DGKI: variants seen among roughly 807,000 people sequenced by gnomAD.
The protein encoded by DGKI is diacylglycerol kinase iota.
In DGKI, 55 loss-of-function variants were observed where a neutral mutation model predicts 147.5. The ratio of observed to expected loss-of-function variants is 0.37; its 90% CI spans 0.30 to 0.47. The LOEUF is 0.47. Ranked by LOEUF, DGKI falls within the 20% of genes least tolerant of loss-of-function variation. The pLI is 1.00. For synonymous variants in DGKI, 469 were observed against 477.1 expected (o/e 0.98, Z 0.22); for missense variants, 1,007 against 1,323.8 (o/e 0.76, Z 3.71).
chr7:137,498,684 C>T (rs913639355), intron 21 of DGKI, among the ~76,000 whole-genome samples: 2 of 152,098 alleles, frequency 1.3e-5, no homozygotes, highest in Admixed American at 1.3e-4. Flanking sequence ...CAAACAAGTG[C>T]AAGAGTTGAA....
Position 137,429,269 on chromosome 7 carries a change from C to A in DGKI, c.2761+14808G>T, listed in dbSNP as rs1026368181. ...CACCACATATCTACAACTATCTGAT[C>A]TTTGACAAACCTGAGAAAAACAAGC... On this transcript the variant is annotated intron_variant, in intron 28 of 32. Transcript: ENST00000614521. Among the ~76,000 whole-genome samples the A allele has an allele frequency of 3.9e-3, 589 of 151,316 alleles. 4 individuals are homozygous for A. The highest frequency in any genetic ancestry group is 0.012 in the African/African-American group (506 of 41,484).
chr7:137,471,612 GC>G (rs2128928885), intron 23 of DGKI, among the ~76,000 whole-genome samples: 1 of 152,236 alleles, frequency 6.6e-6, no homozygotes, highest in East Asian at 1.9e-4. Flanking sequence ...GTTTTAACAA[GC>G]CTTTCAGATA....
At chr7:137,584,008 C>A (rs1018580357) in intron 14 of DGKI, among the ~76,000 whole-genome samples, 5 of 152,078 alleles carry the variant, frequency 3.3e-5, no homozygotes, top group Admixed American at 3.3e-4. Flanking sequence ...ACTTGAAAAT[C>A]TATTAAATTA....
At chr7:137,410,761 C>A (rs1007060365) in intron 29 of DGKI, among the ~76,000 whole-genome samples, 1 of 152,178 alleles carries the variant, frequency 6.6e-6, no homozygotes, top group East Asian at 1.9e-4. Context: ...GGGCAGGAAT[C>A]AATTTTATTC....
At chr7:137,626,322 GAC>G (rs111591226) in intron 6 of DGKI, among the ~76,000 whole-genome samples, 33,819 of 138,726 alleles carry the variant, frequency 0.24, 4,370 homozygotes, top group Non-Finnish European at 0.33. Flanking sequence ...AAGTGCTTCT[GAC>G]ACACACACAC....
chr7:137,450,583 G>A (rs568564986), intron 27 of DGKI, among the ~76,000 whole-genome samples: 38 of 151,948 alleles, frequency 2.5e-4, no homozygotes, highest in African/African-American at 4.6e-4. Context: ...TTAGCCAAGC[G>A]TGGTGGCACG....
At chr7:137,801,601 T>C (rs1797209709) in intron 1 of DGKI, among the ~76,000 whole-genome samples, 1 of 152,212 alleles carries the variant, frequency 6.6e-6, no homozygotes, top group Non-Finnish European at 1.5e-5. Context: ...TAAGTGGCAT[T>C]ATCACTCTCT....
chr7:137,536,523 CA>C (rs1184876462), intron 20 of DGKI, among the ~76,000 whole-genome samples: 5 of 152,160 alleles, frequency 3.3e-5, no homozygotes, highest in Non-Finnish European at 5.9e-5. Flanking sequence ...AAGTCTCATC[CA>C]CCTCATGTTA....
intron 5 of DGKI, among the ~76,000 whole-genome samples, chr7:137,647,529 T>C (rs76382458): frequency 0.012 from 1,895 of 152,306 alleles, 34 homozygotes; most frequent in African/African-American, 0.044. Flanking sequence ...GGTGGTTGTA[T>C]GTACAATCGT....
At chr7:137,623,270 T>C (rs1413760366) in intron 7 of DGKI, among the ~76,000 whole-genome samples, 2 of 152,202 alleles carry the variant, frequency 1.3e-5, no homozygotes, top group Non-Finnish European at 2.9e-5. Context: ...ACATAAAATA[T>C]AGAAGTTAAT....
intron 28 of DGKI, among the ~76,000 whole-genome samples, chr7:137,423,465 G>A (rs1198168426): frequency 1.3e-5 from 2 of 152,208 alleles, no homozygotes; most frequent in African/African-American, 2.4e-5. Flanking sequence ...GATGTGGCCT[G>A]AGAGTAATGG....
intron 1 of DGKI, among the ~76,000 whole-genome samples, chr7:137,781,825 A>G (rs1344309220): frequency 6.6e-6 from 1 of 152,224 alleles, no homozygotes; most frequent in Non-Finnish European, 1.5e-5. Context: ...AAATGGAGGG[A>G]GAAGGCAAAG....
chr7:137,706,099 C>G (rs1174707968), intron 1 of DGKI, among the ~76,000 whole-genome samples: 2 of 151,502 alleles, frequency 1.3e-5, no homozygotes, highest in Non-Finnish European at 2.9e-5. Flanking sequence ...AAATATTTAT[C>G]TTTTTTAAAG....
intron 1 of DGKI, among the ~76,000 whole-genome samples, chr7:137,824,344 C>G (rs1797992587): frequency 6.6e-6 from 1 of 151,866 alleles, no homozygotes; most frequent in African/African-American, 2.4e-5. Flanking sequence ...TGGAGAAACC[C>G]CGTCTCTACT....
At chr7:137,699,125 T>C (rs1029841876) in intron 1 of DGKI, among the ~76,000 whole-genome samples, 2 of 152,178 alleles carry the variant, frequency 1.3e-5, no homozygotes, top group African/African-American at 4.8e-5. Context: ...TTCCTGGTCA[T>C]AGAAGGTGTC....
At chr7:137,722,109 G>T in intron 1 of DGKI, 2 of 1,598,560 alleles carry the variant, frequency 1.3e-6, no homozygotes, top group Non-Finnish European at 1.7e-6. Context: ...AGAAGGGGAA[G>T]CCCCATTGCA....
At chr7:137,716,147 G>T (rs969707295) in intron 1 of DGKI, among the ~76,000 whole-genome samples, 1 of 152,168 alleles carries the variant, frequency 6.6e-6, no homozygotes, top group East Asian at 1.9e-4. Context: ...TCACAATCTG[G>T]TCTCTGCAAA....
chr7:137,763,499 G>A (rs563791224), intron 1 of DGKI, among the ~76,000 whole-genome samples: 18 of 152,270 alleles, frequency 1.2e-4, no homozygotes, highest in African/African-American at 4.3e-4. Context: ...CCTGTCCAAC[G>A]ACTCCCAAAC....
intron 27 of DGKI, among the ~76,000 whole-genome samples, chr7:137,451,888 G>A (rs1404270290): frequency 6.6e-6 from 1 of 151,038 alleles, no homozygotes. Context: ...ATCATCTCAT[G>A]GCTTTAATTT....
Sources: gnomAD v4.1 joint callset for allele counts (sites outside exome capture counted in the v4.1 genomes callset) on GRCh38, gnomAD v4.1.1 for gene constraint, MANE v1.5 for transcripts, NCBI Gene and HGNC (gene_info 2026-07-23, HGNC 2026-07-21) for gene names.